Variants in CNNM2 observed in about 807,000 individuals in gnomAD.
CNNM2 encodes metal transporter CNNM2.
A neutral mutation model predicts 66.9 loss-of-function variants in CNNM2; 12 were observed. The ratio of observed to expected loss-of-function variants is 0.18; its 90% CI spans 0.11 to 0.29. The LOEUF is 0.29. CNNM2 is among the 10% of genes least tolerant of loss of function. CNNM2 has a pLI of 1.00. For synonymous variants in CNNM2, 557 were observed against 501.8 expected (o/e 1.11, Z -1.47); for missense variants, 705 against 1,167.7 (o/e 0.60, Z 5.77).
At chr10:103,041,237 C>T (rs1476766870) in intron 1 of CNNM2, among the ~76,000 whole-genome samples, 2 of 152,186 alleles carry the variant, frequency 1.3e-5, no homozygotes, top group Non-Finnish European at 2.9e-5. Context: ...CTCCCACCGG[C>T]TCTTTCCGGT....
intron 1 of CNNM2, among the ~76,000 whole-genome samples, chr10:103,026,037 A>T (rs914451060): frequency 1.3e-5 from 2 of 152,154 alleles, no homozygotes; most frequent in African/African-American, 4.8e-5. Flanking sequence ...TTGTTATAGG[A>T]GCAAGTTCAG....
chr10:103,003,843 A>T (rs917218162), intron 1 of CNNM2, among the ~76,000 whole-genome samples: 7 of 151,336 alleles, frequency 4.6e-5, no homozygotes, highest in African/African-American at 1.7e-4. Context: ...ATTAACATCA[A>T]TTTTTCCTGT....
At position 103,087,140 on chromosome 10, in the gene CNNM2, A is replaced by ATTTTTTTTTTTTTTTTTTTTTTTTTTTT. The variant is rs71019655; in HGVS notation, c.*9965_*9992dup. 1.3e-5 allele frequency: 1 copy of ATTTTTTTTTTTTTTTTTTTTTTTTTTTT among 75,374 alleles called. No individual in the cohort carries two copies. Among genetic ancestry groups the ATTTTTTTTTTTTTTTTTTTTTTTTTTTT allele is most frequent in the Non-Finnish European group, 2.3e-5 (1 of 42,740 alleles). The allele number at this position is 75,374 out of a possible 1,614,324, so 4.7% of individuals were successfully genotyped here. A position where few individuals can be genotyped will look rare whatever the true frequency, so the allele number is the denominator to read the frequency against. ...TTCTCACGGTATAAAACTCCGCAGG[A>ATTTTTTTTTTTTTTTTTTTTTTTTTTTT]TTTTTTTTTTTTTTTTTTTTTTTTT... On this transcript the variant is annotated 3_prime_UTR_variant, in exon 8 of 8. Coordinates refer to ENST00000369878, the MANE Select transcript of CNNM2 (RefSeq NM_017649.5).
chr10:103,068,837 CT>C (rs901783543), intron 5 of CNNM2, 115 bp downstream of exon 5: 468 of 763,282 alleles, frequency 6.1e-4, no homozygotes, highest in South Asian at 9.0e-4. Context: ...CCTTTTTGAA[CT>C]TTTTTTTTGA....
chr10:103,015,256 T>C (rs1644633891), intron 1 of CNNM2, among the ~76,000 whole-genome samples: 1 of 152,156 alleles, frequency 6.6e-6, no homozygotes, highest in Non-Finnish European at 1.5e-5. Flanking sequence ...GTCAATAACT[T>C]TGAGGCTTAT....
At chr10:103,055,516 A>G (rs1239700918) in intron 3 of CNNM2, among the ~76,000 whole-genome samples, 2 of 152,280 alleles carry the variant, frequency 1.3e-5, no homozygotes, top group Non-Finnish European at 2.9e-5. Flanking sequence ...ACATGTATAC[A>G]TGAGCACACG....
At chr10:103,073,097 G>A (rs564489944) in intron 6 of CNNM2, among the ~76,000 whole-genome samples, 11 of 152,372 alleles carry the variant, frequency 7.2e-5, no homozygotes, top group Non-Finnish European at 1.3e-4. Context: ...TCGCGCTGGC[G>A]CCCGTCGAGC....
chr10:103,024,743 G>A (rs928114605), intron 1 of CNNM2, among the ~76,000 whole-genome samples: 1 of 152,136 alleles, frequency 6.6e-6, no homozygotes, highest in African/African-American at 2.4e-5. Context: ...CTCCCAAATT[G>A]CTGGGATTAC....
At chr10:102,966,449 C>T (rs1394328516) in intron 1 of CNNM2, among the ~76,000 whole-genome samples, 4 of 152,054 alleles carry the variant, frequency 2.6e-5, no homozygotes, top group Admixed American at 6.6e-5. Context: ...GCCAACATGG[C>T]GAAACCCCAT....
chr10:103,034,055 A>C (rs895629632), intron 1 of CNNM2, among the ~76,000 whole-genome samples: 1 of 152,132 alleles, frequency 6.6e-6, no homozygotes, highest in Non-Finnish European at 1.5e-5. Flanking sequence ...AATTTACAGA[A>C]GATAATTAAT....
intron 1 of CNNM2, among the ~76,000 whole-genome samples, chr10:102,924,196 C>T (rs1845763152): frequency 6.6e-6 from 1 of 152,190 alleles, no homozygotes; most frequent in South Asian, 2.1e-4. Context: ...TGAAAGGCTG[C>T]CACCTTTGTG....
At position 103,089,958 on chromosome 10, in the gene CNNM2, T is replaced by G; in HGVS notation, c.*12778T>G. ...CAGAAAGCAGGCAGAGCAAAGTAGC[T>G]ACTCCCCAAATCCTAACCCCTCTCC... On this transcript the variant is annotated 3_prime_UTR_variant, in exon 8 of 8. Coordinates refer to ENST00000369878, the MANE Select transcript of CNNM2 (RefSeq NM_017649.5). 6.7e-7 allele frequency: 1 copy of G among 1,487,054 alleles called. No individual in the cohort carries two copies. Among genetic ancestry groups the G allele is most frequent in the East Asian group, 2.3e-5 (1 of 43,730 alleles). The allele number at this position is 1,487,054 out of a possible 1,614,324, so 92.1% of individuals were successfully genotyped here.
rs1330620853 is a variant in CNNM2 at position 103,089,181 on chromosome 10, C to T, written c.*12001C>T. The T allele has an allele frequency of 4.5e-6, 1 of 224,444 alleles. No individual in the cohort carries two copies. Among genetic ancestry groups the T allele is most frequent in the African/African-American group, 2.2e-5 (1 of 44,910 alleles). The allele number at this position is 224,444 out of a possible 1,614,324, so 13.9% of individuals were successfully genotyped here. Reference sequence around the variant, plus strand: ...TAAAGGCTTATAAAAGAAAACTTGACCTTAACAGAGACTACATTTGATCAT... The same window carrying T: ...TAAAGGCTTATAAAAGAAAACTTGATCTTAACAGAGACTACATTTGATCAT... On this transcript the variant is annotated 3_prime_UTR_variant, in exon 8 of 8. Transcript: ENST00000369878.
chr10:102,962,816 T>A (rs1157351158), intron 1 of CNNM2, among the ~76,000 whole-genome samples: 1 of 152,024 alleles, frequency 6.6e-6, no homozygotes, highest in African/African-American at 2.4e-5. Flanking sequence ...TGCTTTCAGA[T>A]TTTTCCAAAA....
intron 4 of CNNM2, among the ~76,000 whole-genome samples, chr10:103,067,040 C>A (rs2065491084): frequency 6.6e-6 from 1 of 151,742 alleles, no homozygotes; most frequent in South Asian, 2.1e-4. Context: ...CAAGAAAGAC[C>A]TTTTGTAATT....
intron 1 of CNNM2, among the ~76,000 whole-genome samples, chr10:103,041,648 C>T (rs1304245777): frequency 2.0e-5 from 3 of 152,244 alleles, no homozygotes; most frequent in Non-Finnish European, 4.4e-5. Context: ...CCACCACAGT[C>T]TTTATCTCCA....
intron 1 of CNNM2, among the ~76,000 whole-genome samples, chr10:103,002,135 G>A (rs953564330): frequency 2.6e-5 from 4 of 152,224 alleles, no homozygotes; most frequent in Middle Eastern, 6.8e-3. Context: ...TGATGAATTG[G>A]ACATCACAGT....
At chr10:102,940,299 A>G (rs1280333933) in intron 1 of CNNM2, among the ~76,000 whole-genome samples, 1 of 151,170 alleles carries the variant, frequency 6.6e-6, no homozygotes, top group Non-Finnish European at 1.5e-5. Context: ...TGTTTTGAAA[A>G]CGCATCTTTT....
intron 1 of CNNM2, among the ~76,000 whole-genome samples, chr10:103,039,325 C>CG (rs1422557985): frequency 6.6e-6 from 1 of 151,968 alleles, no homozygotes; most frequent in Non-Finnish European, 1.5e-5. Flanking sequence ...TTAGTAGAGA[C>CG]GGGGTTTTGC....
Sources: allele counts gnomAD v4.1 joint callset (sites outside exome capture counted in the v4.1 genomes callset), GRCh38; gene constraint gnomAD v4.1.1; transcripts MANE v1.5; gene names NCBI Gene and HGNC (gene_info 2026-07-23, HGNC 2026-07-21).